RAD51B: variants seen among roughly 807,000 people sequenced by gnomAD.
The protein encoded by RAD51B is DNA repair protein RAD51 homolog 2.
RAD51B carries 38 observed loss-of-function variants against 42.2 expected under a neutral mutation model. The ratio of observed to expected loss-of-function variants is 0.90; its 90% confidence interval spans 0.70 to 1.18. The LOEUF (loss-of-function observed/expected upper bound fraction) is 1.18. RAD51B is among the 50% of genes most tolerant of loss of function. The probability of loss-of-function intolerance (pLI) is 0.00; values close to 1 mark genes in which losing one functional copy is unlikely to be tolerated. For missense variants in RAD51B, 373 were observed against 400.7 expected (o/e 0.93, Z 0.59); for synonymous variants, 154 against 145.2 (o/e 1.06, Z -0.43).
intron 11 of RAD51B, chr14:68,682,930 T>TTTTTTTTGGGA: frequency 1.3e-6 from 1 of 796,820 alleles, no homozygotes; most frequent in Non-Finnish European, 1.5e-6. Flanking sequence ...TTTTTTTTTT[T>TTTTTTTTGGGA]GTATAGGGCA....
At chr14:68,087,985 T>C (rs1409497717) in intron 7 of RAD51B, among the ~76,000 whole-genome samples, 1 of 129,080 alleles carries the variant, frequency 7.7e-6, no homozygotes, top group Non-Finnish European at 1.6e-5. Context: ...TATAATTATA[T>C]AATATATTAT....
chr14:68,264,715 A>G (rs1255983688), intron 7 of RAD51B, among the ~76,000 whole-genome samples: 1 of 152,210 alleles, frequency 6.6e-6, no homozygotes, highest in East Asian at 1.9e-4. Flanking sequence ...AGAGATTAGT[A>G]GAAACTCATT....
chr14:68,672,872 C>T (rs1488261687), intron 11 of RAD51B, among the ~76,000 whole-genome samples: 2 of 152,214 alleles, frequency 1.3e-5, no homozygotes, highest in Non-Finnish European at 2.9e-5. Context: ...CACTGTGAAT[C>T]GTGCTCCTGA....
chr14:67,942,897 G>C (rs935561323), intron 7 of RAD51B, among the ~76,000 whole-genome samples: 1 of 152,090 alleles, frequency 6.6e-6, no homozygotes, highest in Non-Finnish European at 1.5e-5. Flanking sequence ...TCTCGAAATG[G>C]TCATAGAAGA....
intron 8 of RAD51B, among the ~76,000 whole-genome samples, chr14:68,317,767 T>A (rs924986870): frequency 2.6e-5 from 4 of 152,048 alleles, no homozygotes; most frequent in African/African-American, 9.6e-5. Context: ...TTTGAAAAAA[T>A]TGAGATAGGC....
At chr14:68,580,289 C>T (rs74933543) in intron 10 of RAD51B, among the ~76,000 whole-genome samples, 31,505 of 152,138 alleles carry the variant, frequency 0.21, 4,236 homozygotes, top group Non-Finnish European at 0.3. Flanking sequence ...GCTTGCCCTG[C>T]GGCCAGCTGT....
chr14:68,161,532 G>C (rs1040244023), intron 7 of RAD51B, among the ~76,000 whole-genome samples: 10 of 152,130 alleles, frequency 6.6e-5, no homozygotes, highest in African/African-American at 2.4e-4. Context: ...TCAGGGACTG[G>C]ATTGAGAGTA....
chr14:68,427,492 C>T (rs1358439698), intron 9 of RAD51B, among the ~76,000 whole-genome samples: 2 of 152,162 alleles, frequency 1.3e-5, no homozygotes, highest in Non-Finnish European at 2.9e-5. Flanking sequence ...ATTCTGGAGC[C>T]TTATTTGAGG....
chr14:67,957,549 G>A (rs1053089799), intron 7 of RAD51B, among the ~76,000 whole-genome samples: 9 of 152,114 alleles, frequency 5.9e-5, no homozygotes, highest in Non-Finnish European at 1.3e-4. Context: ...CCAAAGAAAT[G>A]AAGATGGCCA....
At chr14:68,551,339 C>T (rs1888558848) in intron 10 of RAD51B, among the ~76,000 whole-genome samples, 1 of 152,200 alleles carries the variant, frequency 6.6e-6, no homozygotes, top group East Asian at 1.9e-4. Context: ...AGCCCCAAGT[C>T]GCGTCCCTCG....
intron 9 of RAD51B, among the ~76,000 whole-genome samples, chr14:68,424,808 T>C (rs1406682695): frequency 6.6e-6 from 1 of 152,192 alleles, no homozygotes; most frequent in African/African-American, 2.4e-5. Context: ...AGGGTCTTGC[T>C]GTGTCGCCCA....
intron 7 of RAD51B, among the ~76,000 whole-genome samples, chr14:68,022,040 G>T (rs1328623596): frequency 6.6e-6 from 1 of 152,174 alleles, no homozygotes; most frequent in Non-Finnish European, 1.5e-5. Context: ...TTGGTAATAA[G>T]AGTAGTACCC....
chr14:68,209,212 A>G (rs181907086), intron 7 of RAD51B, among the ~76,000 whole-genome samples: 1 of 152,186 alleles, frequency 6.6e-6, no homozygotes, highest in South Asian at 2.1e-4. Context: ...CAAGTATCTA[A>G]TACTTTTGGG....
chr14:67,832,523 A>G (rs900937719), intron 3 of RAD51B, among the ~76,000 whole-genome samples: 6 of 152,132 alleles, frequency 3.9e-5, no homozygotes, highest in Non-Finnish European at 8.8e-5. Flanking sequence ...AAGCAGCAAC[A>G]GTTCTTGTTT....
intron 5 of RAD51B, among the ~76,000 whole-genome samples, chr14:67,873,064 G>A (rs1468944496): frequency 6.6e-6 from 1 of 152,138 alleles, no homozygotes; most frequent in Admixed American, 6.5e-5. Context: ...TAAAGCAATG[G>A]CAACAAAAGC....
At chr14:68,315,401 T>C (rs892138721) in intron 8 of RAD51B, among the ~76,000 whole-genome samples, 1 of 152,262 alleles carries the variant, frequency 6.6e-6, no homozygotes, top group Admixed American at 6.5e-5. Flanking sequence ...CACAACAGTC[T>C]TTGCATGTAT....
At chr14:67,910,581 G>C (rs1021453775) in intron 7 of RAD51B, among the ~76,000 whole-genome samples, 1 of 151,572 alleles carries the variant, frequency 6.6e-6, no homozygotes, top group Non-Finnish European at 1.5e-5. Flanking sequence ...AGTCAGTGTC[G>C]ATGCCTTTTA....
intron 8 of RAD51B, among the ~76,000 whole-genome samples, chr14:68,397,714 G>A (rs1012874684): frequency 6.6e-6 from 1 of 152,160 alleles, no homozygotes; most frequent in South Asian, 2.1e-4. Flanking sequence ...AAGTGTAGCA[G>A]CTTCCCTCAG....
chr14:68,004,049 G>T (rs1320909127), intron 7 of RAD51B, among the ~76,000 whole-genome samples: 3 of 152,044 alleles, frequency 2.0e-5, no homozygotes, highest in Non-Finnish European at 4.4e-5. Flanking sequence ...ACTATACTTA[G>T]TTATTTAAAA....
Sources: allele counts gnomAD v4.1 joint callset (sites outside exome capture counted in the v4.1 genomes callset), GRCh38; gene constraint gnomAD v4.1.1; transcripts MANE v1.5; gene names NCBI Gene and HGNC (gene_info 2026-07-23, HGNC 2026-07-21).